FABP12: variants seen among roughly 807,000 people sequenced by gnomAD.
The protein encoded by FABP12 is fatty acid binding protein 12.
Under a neutral mutation model 13.7 loss-of-function variants are expected in FABP12, and 19 were observed. That is an observed-to-expected ratio of 1.39 (90% CI 0.97 to 2.04). The LOEUF is 2.04. FABP12 is among the 30% of genes most tolerant of loss of function. FABP12 has a pLI of 0.00. For missense variants in FABP12, 182 were observed against 164.2 expected, an observed-to-expected ratio of 1.11 and a Z score of -0.59; for synonymous variants, 61 against 57.0, an observed-to-expected ratio of 1.07 and a Z score of -0.32.
At chr8:81,583,732 C>T (rs1810201639) in intron 1 of FABP12, among the ~76,000 whole-genome samples, 1 of 152,028 alleles carries the variant, frequency 6.6e-6, no homozygotes, top group Non-Finnish European at 1.5e-5. Context: ...AGCCAGGAAT[C>T]GATAGCTGCA....
rs147256918 is a variant in FABP12, at chr8:81,540,716, T to C, written c.-184-973A>G. ...CAAATGGAGAAATCCAAATAAAGTC[T>C]ATAGTTTAGTTGCTAGTATTGTAGC... On this transcript the variant is annotated intron_variant, in intron 1 of 5. Transcript: ENST00000692030. Among the ~76,000 whole-genome samples, 284 of 152,306 alleles carry C rather than the reference T, an allele frequency of 1.9e-3. 2 individuals are homozygous for C. Among genetic ancestry groups the C allele is most frequent in the African/African-American group, 6.2e-3 (257 of 41,564 alleles).
chr8:81,549,228 TACAC>T (rs10577619), intron 1 of FABP12, among the ~76,000 whole-genome samples: 94,317 of 149,670 alleles, frequency 0.63, 32,240 homozygotes, highest in Non-Finnish European at 0.75. Flanking sequence ...CAGACACACA[TACAC>T]ACACACACAC....
chr8:81,580,361 T>C (rs189712815), intron 1 of FABP12, among the ~76,000 whole-genome samples: 3 of 152,320 alleles, frequency 2.0e-5, no homozygotes, highest in Admixed American at 2.0e-4. Context: ...TGCCTTTAGA[T>C]GAACTCTATT....
intron 1 of FABP12, among the ~76,000 whole-genome samples, chr8:81,579,512 C>A (rs1420390673): frequency 6.6e-6 from 1 of 152,128 alleles, no homozygotes; most frequent in Non-Finnish European, 1.5e-5. Context: ...TGAGAAAAAT[C>A]ATCACATAAA....
At chr8:81,529,643 T>C in intron 2 of FABP12, 33 bp from the exon 3 acceptor site, 2 of 1,575,414 alleles carry the variant, frequency 1.3e-6, no homozygotes, top group Non-Finnish European at 1.7e-6. Flanking sequence ...ATTATCTTTT[T>C]GCATAAAGAA....
chr8:81,583,039 A>T (rs570883062), intron 1 of FABP12, among the ~76,000 whole-genome samples: 3 of 152,194 alleles, frequency 2.0e-5, no homozygotes, highest in Non-Finnish European at 4.4e-5. Context: ...CTAGAAATGC[A>T]TAAAAAGAGA....
chr8:81,580,327 G>A (rs1000331069), intron 1 of FABP12, among the ~76,000 whole-genome samples: 31 of 152,056 alleles, frequency 2.0e-4, no homozygotes, highest in Non-Finnish European at 3.7e-4. Flanking sequence ...ACTGCTATTT[G>A]AAATAGAAAC....
chr8:81,571,431 G>A (rs1276249110), intron 1 of FABP12, among the ~76,000 whole-genome samples: 4 of 152,246 alleles, frequency 2.6e-5, no homozygotes, highest in Admixed American at 2.0e-4. Context: ...CCTCGAAGAC[G>A]TGGGGCACAG....
intron 1 of FABP12, among the ~76,000 whole-genome samples, chr8:81,577,251 A>G (rs929789162): frequency 3.3e-5 from 5 of 152,200 alleles, no homozygotes; most frequent in African/African-American, 1.2e-4. Flanking sequence ...TCCACATTTG[A>G]CATACACTGA....
At chr8:81,540,496 C>A (rs1809318443) in intron 1 of FABP12, among the ~76,000 whole-genome samples, 1 of 152,206 alleles carries the variant, frequency 6.6e-6, no homozygotes, top group African/African-American at 2.4e-5. Context: ...CAAATTTAAT[C>A]TTCATGTAAT....
intron 1 of FABP12, among the ~76,000 whole-genome samples, chr8:81,561,065 C>CT (rs1459330459): frequency 1.3e-5 from 2 of 152,204 alleles, no homozygotes; most frequent in Non-Finnish European, 2.9e-5. Context: ...CTCTCGTTCT[C>CT]TTTTCCCAGC....
At chr8:81,555,383 TTTAA>T (rs1327534251) in intron 1 of FABP12, among the ~76,000 whole-genome samples, 2 of 152,218 alleles carry the variant, frequency 1.3e-5, no homozygotes, top group African/African-American at 2.4e-5. Flanking sequence ...AAAATCTAAC[TTTAA>T]TTGTTTTTAG....
chr8:81,543,042 T>A (rs2129992319), intron 1 of FABP12, among the ~76,000 whole-genome samples: 1 of 152,334 alleles, frequency 6.6e-6, no homozygotes, highest in East Asian at 1.9e-4. Context: ...AAAAGCTTTA[T>A]AAAATATTCT....
At chr8:81,525,532 A>T (rs545515775) in intron 4 of FABP12, among the ~76,000 whole-genome samples, 1 of 149,562 alleles carries the variant, frequency 6.7e-6, no homozygotes, top group Non-Finnish European at 1.5e-5. Context: ...AAAAAAAAAT[A>T]GATAGATAGA....
At chr8:81,533,905 C>T (rs188506022) in exon 1 of FABP12, among the ~76,000 whole-genome samples, 16 of 152,252 alleles carry the variant, frequency 1.1e-4, no homozygotes, top group East Asian at 1.9e-4. Flanking sequence ...GTGGGTCTGA[C>T]GGAACCTGGC....
chr8:81,537,980 T>C (rs561984511), upstream of FABP12, among the ~76,000 whole-genome samples: 275 of 152,300 alleles, frequency 1.8e-3, 2 homozygotes, highest in African/African-American at 6.4e-3. Context: ...TGGTTCATGG[T>C]TCTGCAGACT....
chr8:81,543,361 A>C (rs185482887), intron 1 of FABP12, among the ~76,000 whole-genome samples: 156 of 152,332 alleles, frequency 1.0e-3, no homozygotes, highest in African/African-American at 3.7e-3. Context: ...ATGAGAGACT[A>C]CATCATCTCA....
At chr8:81,531,506 T>C in intron 1 of FABP12, 116 bp from the exon 2 acceptor site, 1 of 526,684 alleles carries the variant, frequency 1.9e-6, no homozygotes, top group East Asian at 3.1e-5. Flanking sequence ...AAAAGCTTTC[T>C]TAAATTTAAA....
At chr8:81,588,044 C>T (rs150843242) in intron 1 of FABP12, among the ~76,000 whole-genome samples, 2,644 of 152,248 alleles carry the variant, frequency 0.017, 60 homozygotes, top group African/African-American at 0.058. Context: ...AGTTTTTCCA[C>T]GTTCCTCTGC....
Sources: gnomAD v4.1 joint callset for allele counts (sites outside exome capture counted in the v4.1 genomes callset) on GRCh38, gnomAD v4.1.1 for gene constraint, MANE v1.5 for transcripts, NCBI Gene and HGNC (gene_info 2026-07-23, HGNC 2026-07-21) for gene names.